AFF3: variants seen among roughly 807,000 people sequenced by gnomAD.
The protein encoded by AFF3 is AF4/FMR2 family member 3.
Under a neutral mutation model 129.7 loss-of-function variants are expected in AFF3, and 32 were observed. The observed-to-expected ratio is 0.25, with a 90% confidence interval of 0.19 to 0.33. AFF3 has a LOEUF of 0.33. AFF3 is among the 10% of genes least tolerant of loss of function. The probability of loss-of-function intolerance (pLI) is 1.00; values close to 1 mark genes in which losing one functional copy is unlikely to be tolerated. For synonymous variants in AFF3, 644 were observed against 635.4 expected, an observed-to-expected ratio of 1.01 and a Z score of -0.20; for missense variants, 1,373 against 1,592.0, an observed-to-expected ratio of 0.86 and a Z score of 2.34.
chr2:100,074,564 T>A (rs1688447992), intron 4 of AFF3, among the ~76,000 whole-genome samples: 1 of 152,236 alleles, frequency 6.6e-6, no homozygotes, highest in Admixed American at 6.5e-5. Context: ...GTTAATAGAT[T>A]AGTTTCTTTA....
intron 8 of AFF3, among the ~76,000 whole-genome samples, chr2:99,752,823 T>C (rs1034280237): frequency 1.3e-5 from 2 of 152,202 alleles, no homozygotes; most frequent in African/African-American, 2.4e-5. Flanking sequence ...AAATCACGCC[T>C]ATGAAATACA....
chr2:99,608,473 A>G (rs1470508552), intron 13 of AFF3, among the ~76,000 whole-genome samples: 1 of 152,228 alleles, frequency 6.6e-6, no homozygotes, highest in Non-Finnish European at 1.5e-5. Context: ...AGGAGTTCTT[A>G]AAACTGGTAA....
chr2:99,869,656 A>G (rs1691717891), intron 7 of AFF3, among the ~76,000 whole-genome samples: 1 of 152,222 alleles, frequency 6.6e-6, no homozygotes, highest in African/African-American at 2.4e-5. Context: ...ACATCAGGGC[A>G]GCAGCACAGC....
chr2:99,853,985 C>T (rs1690337685), intron 7 of AFF3, among the ~76,000 whole-genome samples: 1 of 152,230 alleles, frequency 6.6e-6, no homozygotes, highest in South Asian at 2.1e-4. Flanking sequence ...GAACTCAATA[C>T]ATGATTACTG....
intron 13 of AFF3, among the ~76,000 whole-genome samples, chr2:99,624,214 C>T (rs927355596): frequency 2.0e-5 from 3 of 152,058 alleles, no homozygotes; most frequent in Non-Finnish European, 2.9e-5. Context: ...TGCTTGAATT[C>T]CCCTAGGTGC....
intron 13 of AFF3, among the ~76,000 whole-genome samples, chr2:99,619,622 C>A (rs56369528): frequency 6.6e-6 from 1 of 152,102 alleles, no homozygotes; most frequent in Non-Finnish European, 1.5e-5. Context: ...TAAGGAGGGG[C>A]GTGCCCGGGA....
At chr2:100,079,849 C>T (rs1688905575) in intron 4 of AFF3, among the ~76,000 whole-genome samples, 2 of 152,142 alleles carry the variant, frequency 1.3e-5, no homozygotes, top group Admixed American at 6.5e-5. Flanking sequence ...TCAATAGACT[C>T]ACCACACAAA....
At chr2:100,065,835 G>A (rs1559100395) in intron 4 of AFF3, among the ~76,000 whole-genome samples, 1 of 152,138 alleles carries the variant, frequency 6.6e-6, no homozygotes, top group Non-Finnish European at 1.5e-5. Flanking sequence ...AAGTAGTTTG[G>A]TCTTTTATGT....
At chr2:99,962,361 G>C (rs1438346223) in intron 7 of AFF3, among the ~76,000 whole-genome samples, 4 of 152,094 alleles carry the variant, frequency 2.6e-5, no homozygotes, top group African/African-American at 4.8e-5. Flanking sequence ...GTCAGGAGAT[G>C]ATAAAAAATC....
chr2:99,988,829 G>A (rs1475868369), intron 7 of AFF3, among the ~76,000 whole-genome samples: 1 of 152,074 alleles, frequency 6.6e-6, no homozygotes, highest in African/African-American at 2.4e-5. Flanking sequence ...AATGTAACAT[G>A]ATCTGATTTA....
At chr2:100,107,571 C>T (rs908493362) in intron 2 of AFF3, 13 of 925,638 alleles carry the variant, frequency 1.4e-5, no homozygotes, top group Middle Eastern at 5.5e-4. Flanking sequence ...GGTCTTTTCT[C>T]CCCACATGGA....
At chr2:99,936,019 A>C (rs1674493155) in intron 7 of AFF3, among the ~76,000 whole-genome samples, 1 of 152,154 alleles carries the variant, frequency 6.6e-6, no homozygotes, top group African/African-American at 2.4e-5. Flanking sequence ...AGGAGGTAGG[A>C]AGTAAGAATA....
intron 4 of AFF3, among the ~76,000 whole-genome samples, chr2:100,063,380 C>T (rs746613099): frequency 6.6e-6 from 1 of 151,528 alleles, no homozygotes; most frequent in African/African-American, 2.4e-5. Flanking sequence ...TTAAAAATAG[C>T]GAAGATGGTG....
At chr2:99,908,519 C>T (rs1343461386) in intron 7 of AFF3, among the ~76,000 whole-genome samples, 29 of 152,076 alleles carry the variant, frequency 1.9e-4, no homozygotes, top group African/African-American at 6.5e-4. Flanking sequence ...CAAAAGAAAC[C>T]ACCATCAGAG....
At chr2:99,636,415 C>T (rs1683658954) in intron 13 of AFF3, among the ~76,000 whole-genome samples, 1 of 152,186 alleles carries the variant, frequency 6.6e-6, no homozygotes. Flanking sequence ...GCCATGGACT[C>T]ACCCTTCACA....
At chr2:99,600,756 TACTATTTAATTTTCCCCTTC>T (rs1437377605) in intron 14 of AFF3, among the ~76,000 whole-genome samples, 1 of 152,192 alleles carries the variant, frequency 6.6e-6, no homozygotes, top group Non-Finnish European at 1.5e-5. Context: ...TGCTCTGAAT[TACTATTTAATTTTCCCCTTC>T]CTACTTTAAA....
intron 8 of AFF3, among the ~76,000 whole-genome samples, chr2:99,785,778 C>T (rs958562493): frequency 2.6e-5 from 4 of 152,130 alleles, no homozygotes; most frequent in Non-Finnish European, 4.4e-5. Flanking sequence ...GACAGAGTCA[C>T]GCCCTGTCAC....
chr2:99,660,461 A>C (rs1441104141), intron 12 of AFF3, among the ~76,000 whole-genome samples: 3 of 152,246 alleles, frequency 2.0e-5, no homozygotes, highest in African/African-American at 7.2e-5. Context: ...TTTGCAAACC[A>C]ATTATACAAG....
In AFF3 at chr2:99,990,951, A is replaced by G. The variant is rs1680283524; in HGVS notation, c.873+15681T>C. 2.0e-5 allele frequency among the ~76,000 whole-genome samples: 3 copies of G among 152,242 alleles called. 1 individual carries two copies. The highest frequency in any genetic ancestry group is 2.0e-4 in the Admixed American group (3 of 15,288). On this transcript the variant is annotated intron_variant, in intron 7 of 24. Coordinates refer to ENST00000672756, the MANE Select transcript of AFF3 (RefSeq NM_001386135.1). ...AAAGGAGACCACAGTTTAGATGCTG[A>G]ACCACCATGGACCCCAAAGATACCA...
Sources: gnomAD v4.1 joint callset for allele counts (sites outside exome capture counted in the v4.1 genomes callset) on GRCh38, gnomAD v4.1.1 for gene constraint, MANE v1.5 for transcripts, NCBI Gene and HGNC (gene_info 2026-07-23, HGNC 2026-07-21) for gene names.